Variants in B4GALT1 observed in about 807,000 individuals in gnomAD.
The protein encoded by B4GALT1 is beta-1,4-galactosyltransferase 1, also known as N-acetyllactosamine synthase.
Under a neutral mutation model 34.9 loss-of-function variants are expected in B4GALT1, and 16 were observed. The observed-to-expected ratio is 0.46, with a 90% CI of 0.31 to 0.70. The LOEUF (loss-of-function observed/expected upper bound fraction) is 0.70, where lower values mean the gene tolerates loss of function less well. B4GALT1 is among the 30% of genes least tolerant of loss of function. The pLI is 0.05. For synonymous variants in B4GALT1, 221 were observed against 218.1 expected, an observed-to-expected ratio of 1.01 and a Z score of -0.12; for missense variants, 445 against 530.5, an observed-to-expected ratio of 0.84 and a Z score of 1.58.
Position 33,119,374 on chromosome 9 carries a change from A to C in B4GALT1, c.836+1045T>G, listed in dbSNP as rs138481589. On this transcript the variant is annotated intron_variant, in intron 3 of 5. Coordinates refer to ENST00000379731, the MANE Select transcript of B4GALT1 (RefSeq NM_001497.4). Reference sequence around the variant, plus strand: ...TTTGGTGGAAAAATTTGGGCTTTGTATTTAAGCAGAAGTTTGTGCCCTGCT... The same window carrying C: ...TTTGGTGGAAAAATTTGGGCTTTGTCTTTAAGCAGAAGTTTGTGCCCTGCT... 3.7e-3 allele frequency among the ~76,000 whole-genome samples: 565 copies of C among 152,272 alleles called. 2 individuals carry two copies. Among genetic ancestry groups the C allele is most frequent in the African/African-American group, 0.012 (488 of 41,546 alleles).
chr9:33,145,912 A>T (rs1840418484), intron 1 of B4GALT1, among the ~76,000 whole-genome samples: 1 of 152,192 alleles, frequency 6.6e-6, no homozygotes, highest in Non-Finnish European at 1.5e-5. Flanking sequence ...AACCATTCTC[A>T]AGCATTAATT....
rs1449912159 is a variant in B4GALT1 at position 33,111,675 on chromosome 9, T to C, written c.*1779A>G. ...TGAGGGCTGGTACCCAGGAGGGCAG[T>C]GGTTTGGGGTCCGCCACGAGCACAA... is the stretch of plus-strand genomic sequence containing the variant. On this transcript the variant is annotated 3_prime_UTR_variant, in exon 6 of 6. Transcript: ENST00000379731. 1 of 152,614 alleles carries C rather than the reference T, an allele frequency of 6.6e-6. No individual in the cohort carries two copies. The highest frequency in any genetic ancestry group is 2.4e-5 in the African/African-American group (1 of 41,436). 9.5% of individuals were successfully genotyped at this position (152,614 alleles called of 1,614,324 possible). A position where few individuals can be genotyped will look rare whatever the true frequency, so the allele number is the denominator to read the frequency against.
At chr9:33,126,309 G>A (rs542765983) in intron 2 of B4GALT1, among the ~76,000 whole-genome samples, 1 of 152,282 alleles carries the variant, frequency 6.6e-6, no homozygotes, top group Admixed American at 6.5e-5. Context: ...CTGGAACAGT[G>A]GACAGGCTGG....
chr9:33,163,244 T>C (rs1028053398), intron 1 of B4GALT1, among the ~76,000 whole-genome samples: 1 of 152,154 alleles, frequency 6.6e-6, no homozygotes, highest in African/African-American at 2.4e-5. Context: ...CAGCAAGTGC[T>C]AGGACACAAA....
At chr9:33,160,136 G>C (rs914369098) in intron 1 of B4GALT1, among the ~76,000 whole-genome samples, 1 of 152,182 alleles carries the variant, frequency 6.6e-6, no homozygotes, top group African/African-American at 2.4e-5. Context: ...TGTAAGACTG[G>C]CTTGAAAATC....
At chr9:33,149,715 TAC>T (rs1342641689) in intron 1 of B4GALT1, among the ~76,000 whole-genome samples, 2 of 152,212 alleles carry the variant, frequency 1.3e-5, no homozygotes, top group African/African-American at 4.8e-5. Context: ...TAGATCTCGT[TAC>T]ACTGAGAAGA....
rs1353285918 is a variant in B4GALT1, at chr9:33,166,755, T to C, written c.412+3A>G. ...TCCGACTGGCGCCGACCCGAGTCCTTACCAAGCAGCGGGGACTCCTCAGGG... is the reference window on the plus strand; with the variant it reads ...TCCGACTGGCGCCGACCCGAGTCCTCACCAAGCAGCGGGGACTCCTCAGGG... On this transcript the variant is annotated splice_donor_region_variant and intron_variant, in intron 1 of 5. Coordinates refer to ENST00000379731, the MANE Select transcript of B4GALT1 (RefSeq NM_001497.4). 2 of 1,504,056 alleles carry C rather than the reference T, an allele frequency of 1.3e-6. No individual in the cohort carries two copies. Among genetic ancestry groups the C allele is most frequent in the Non-Finnish European group, 1.8e-6 (2 of 1,133,494 alleles). 93.2% of individuals were successfully genotyped at this position (1,504,056 alleles called of 1,614,324 possible). A position where few individuals can be genotyped will look rare whatever the true frequency, so the allele number is the denominator to read the frequency against.
chr9:33,156,741 G>A lies in B4GALT1; in HGVS notation c.412+10017C>T, dbSNP rs117740025. Among the ~76,000 whole-genome samples the A allele has an allele frequency of 2.3e-3, 353 of 152,258 alleles. 15 individuals carry two copies. The East Asian group carries it at 0.061, about 26-fold the overall frequency. On this transcript the variant is annotated intron_variant, in intron 1 of 5. Transcript: ENST00000379731. ...ATCAGGCGCCCAGGCTAGCCCAACA[G>A]AATATAAGTTTCTATGGATGGCTAC... is the stretch of plus-strand genomic sequence containing the variant.
chr9:33,149,445 A>AT (rs1281619629), intron 1 of B4GALT1, among the ~76,000 whole-genome samples: 1 of 151,862 alleles, frequency 6.6e-6, no homozygotes, highest in Admixed American at 6.6e-5. Context: ...CGCCAGGCTA[A>AT]TTTTTTGTAT....
At chr9:33,140,257 T>C (rs1275053905) in intron 1 of B4GALT1, among the ~76,000 whole-genome samples, 8 of 152,154 alleles carry the variant, frequency 5.3e-5, no homozygotes, top group African/African-American at 9.7e-5. Flanking sequence ...GATTGGCCAG[T>C]GGGTCGAAAG....
chr9:33,120,085 G>A (rs947517630), intron 3 of B4GALT1, among the ~76,000 whole-genome samples: 3 of 151,982 alleles, frequency 2.0e-5, no homozygotes, highest in African/African-American at 7.3e-5. Flanking sequence ...TCAGGAGGCT[G>A]AGGTGACAGG....
chr9:33,148,328 A>C (rs1186059667), intron 1 of B4GALT1, among the ~76,000 whole-genome samples: 1 of 152,222 alleles, frequency 6.6e-6, no homozygotes, highest in East Asian at 1.9e-4. Flanking sequence ...TTTGGCAAAA[A>C]ATAGGAAGCT....
At chr9:33,116,542 A>T (rs574483683) in intron 3 of B4GALT1, among the ~76,000 whole-genome samples, 1,057 of 15,004 alleles carry the variant, frequency 0.07, 18 homozygotes, top group African/African-American at 0.12. Flanking sequence ...TTTTTTTTTG[A>T]AGGAGTCTCG....
At chr9:33,140,774 C>T (rs1020330834) in intron 1 of B4GALT1, among the ~76,000 whole-genome samples, 3 of 152,162 alleles carry the variant, frequency 2.0e-5, no homozygotes, top group African/African-American at 7.3e-5. Flanking sequence ...ACCAATCTTC[C>T]AAAGGCCAGG....
At chr9:33,173,378 C>T in the B4GALT1 span, among the ~76,000 whole-genome samples, 1 of 148,776 alleles carries the variant, frequency 6.7e-6, no homozygotes, top group Non-Finnish European at 1.5e-5. Flanking sequence ...GCACTCCAGC[C>T]TGGTCTACAG....
chr9:33,126,214 A>G (rs2118091934), intron 2 of B4GALT1, among the ~76,000 whole-genome samples: 1 of 152,280 alleles, frequency 6.6e-6, no homozygotes, highest in South Asian at 2.1e-4. Flanking sequence ...GGAAGGAACT[A>G]GGCCGAGTGG....
At position 33,113,478 on chromosome 9, in the gene B4GALT1, T is replaced by A; in HGVS notation, c.1173A>T (p.Thr391=). ...GCTAGCTCGGTGTCCCGATGTCCAC[T>A]GTGATTTGGGTATACAATGGGTATC... is the stretch of plus-strand genomic sequence containing the variant. ...VQRYPLYTQI[T]VDIGTPS is the part of the protein sequence containing the mutation. Residue 391 remains threonine, a synonymous_variant, in exon 6 of 6, where the codon ACA becomes ACT. Transcript: ENST00000379731. 3 of 1,614,240 alleles carry A rather than the reference T, an allele frequency of 1.9e-6. No homozygotes were observed. The highest frequency in any genetic ancestry group is 2.5e-6 in the Non-Finnish European group (3 of 1,180,042).
At chr9:33,154,023 A>C in intron 1 of B4GALT1, among the ~76,000 whole-genome samples, 1 of 76,650 alleles carries the variant, frequency 1.3e-5, no homozygotes. Context: ...GAGAGAGAGG[A>C]AGGAAGGAAG....
At chr9:33,154,301 T>G (rs1279028494) in intron 1 of B4GALT1, among the ~76,000 whole-genome samples, 1 of 152,176 alleles carries the variant, frequency 6.6e-6, no homozygotes, top group Non-Finnish European at 1.5e-5. Context: ...CACCTTTTCA[T>G]GATAAAAATA....
Sources: gnomAD v4.1 joint callset for allele counts (sites outside exome capture counted in the v4.1 genomes callset) on GRCh38, gnomAD v4.1.1 for gene constraint, MANE v1.5 for transcripts, NCBI Gene and HGNC (gene_info 2026-07-23, HGNC 2026-07-21) for gene names.